GRID2: variants seen among roughly 807,000 people sequenced by gnomAD.
GRID2 encodes the protein glutamate receptor ionotropic, delta-2.
Under a neutral mutation model 114.8 loss-of-function variants are expected in GRID2, and 33 were observed. That is an observed-to-expected ratio of 0.29 (90% confidence interval 0.22 to 0.38). GRID2 has a LOEUF of 0.38. Ranked by LOEUF, GRID2 falls within the 10% of genes least tolerant of loss-of-function variation. GRID2 has a pLI of 1.00. For synonymous variants in GRID2, 505 were observed against 449.9 expected, an observed-to-expected ratio of 1.12 and a Z score of -1.55; for missense variants, 1,184 against 1,257.7, an observed-to-expected ratio of 0.94 and a Z score of 0.89.
intron 6 of GRID2, 75 bp downstream of exon 6, chr4:93,216,986 A>T (rs746783316): frequency 1.7e-4 from 161 of 971,544 alleles, no homozygotes; most frequent in Non-Finnish European, 2.4e-4. Flanking sequence ...TATGAGTTGC[A>T]TTGGATTCAG....
chr4:93,482,109 T>G (rs1725934415), intron 11 of GRID2, among the ~76,000 whole-genome samples: 2 of 152,060 alleles, frequency 1.3e-5, no homozygotes, highest in South Asian at 4.1e-4. Flanking sequence ...GTTTGAGATT[T>G]GAATTTTCTT....
At chr4:93,750,871 A>G (rs1008634493) in intron 14 of GRID2, among the ~76,000 whole-genome samples, 2 of 152,244 alleles carry the variant, frequency 1.3e-5, no homozygotes, top group Non-Finnish European at 2.9e-5. Flanking sequence ...CTAGCCAGTG[A>G]TCTTCTCAAT....
intron 2 of GRID2, among the ~76,000 whole-genome samples, chr4:92,810,908 C>A (rs779485976): frequency 3.9e-5 from 6 of 152,120 alleles, no homozygotes; most frequent in Non-Finnish European, 8.8e-5. Context: ...TCTCATGCCT[C>A]AGCCTCCAGA....
chr4:92,610,349 T>C (rs566541098), intron 2 of GRID2, among the ~76,000 whole-genome samples: 9 of 151,656 alleles, frequency 5.9e-5, no homozygotes, highest in East Asian at 2.0e-4. Context: ...GAGAAAGGCA[T>C]CTCTGTCTTA....
rs1561051489 is a variant in GRID2 at position 93,256,429 on chromosome 4, T to TGA, written c.1245+17939_1245+17940insGA. Among the ~76,000 whole-genome samples the TGA allele has an allele frequency of 6.0e-5, 9 of 149,456 alleles. No homozygotes were observed. In the East Asian group the frequency reaches 1.8e-3, roughly 29 times the overall value. On this transcript the variant is annotated intron_variant, in intron 8 of 15. Transcript: ENST00000282020. ...CGAAAGTGTGATTTTTAATTTTTGG[T>TGA]TTTTTTTTTTGGTCACAATGTAGTC...
At chr4:92,854,441 G>A (rs1288467697) in intron 2 of GRID2, among the ~76,000 whole-genome samples, 1 of 151,872 alleles carries the variant, frequency 6.6e-6, no homozygotes, top group Non-Finnish European at 1.5e-5. Context: ...TGTGCTTGAG[G>A]AACATAGAGT....
intron 2 of GRID2, among the ~76,000 whole-genome samples, chr4:93,007,661 C>T (rs999098250): frequency 3.3e-5 from 5 of 151,842 alleles, no homozygotes; most frequent in African/African-American, 1.2e-4. Flanking sequence ...ATCGTAGATC[C>T]CAGGCTAAAA....
At chr4:93,229,896 A>G (rs1053939089) in intron 7 of GRID2, among the ~76,000 whole-genome samples, 1 of 152,106 alleles carries the variant, frequency 6.6e-6, no homozygotes, top group Non-Finnish European at 1.5e-5. Flanking sequence ...TTTTTTAAAA[A>G]TTAGCAGTTA....
At chr4:93,570,993 A>G (rs996440663) in intron 13 of GRID2, among the ~76,000 whole-genome samples, 3 of 152,114 alleles carry the variant, frequency 2.0e-5, no homozygotes, top group Non-Finnish European at 4.4e-5. Flanking sequence ...ATCCCTGTTC[A>G]TTCATTTAAC....
intron 12 of GRID2, among the ~76,000 whole-genome samples, chr4:93,508,137 C>A (rs1728820213): frequency 6.6e-6 from 1 of 151,552 alleles, no homozygotes; most frequent in South Asian, 2.1e-4. Context: ...TGCACATGTA[C>A]CCTAAAACTT....
intron 13 of GRID2, among the ~76,000 whole-genome samples, chr4:93,622,115 A>G (rs1052260071): frequency 2.2e-4 from 33 of 152,158 alleles, no homozygotes; most frequent in Non-Finnish European, 1.5e-5. Flanking sequence ...AGGAAGCTTC[A>G]AGGTCACTGC....
At chr4:92,581,198 C>CT (rs772006248) in intron 1 of GRID2, among the ~76,000 whole-genome samples, 4,603 of 137,844 alleles carry the variant, frequency 0.033, 200 homozygotes, top group African/African-American at 0.1. Context: ...TCCCCCCACC[C>CT]TTTTTTTTTT....
intron 1 of GRID2, among the ~76,000 whole-genome samples, chr4:92,533,310 A>G (rs1479106569): frequency 6.6e-6 from 1 of 152,018 alleles, no homozygotes; most frequent in Non-Finnish European, 1.5e-5. Context: ...ACACACATAC[A>G]CACAGAAAAC....
At chr4:93,375,471 A>T (rs1376456784) in intron 8 of GRID2, among the ~76,000 whole-genome samples, 2 of 151,912 alleles carry the variant, frequency 1.3e-5, no homozygotes, top group Non-Finnish European at 2.9e-5. Flanking sequence ...TCATTTTCCC[A>T]AAGTGCTGGG....
At chr4:92,921,274 C>G (rs1218273758) in intron 2 of GRID2, among the ~76,000 whole-genome samples, 3 of 152,032 alleles carry the variant, frequency 2.0e-5, no homozygotes, top group Non-Finnish European at 4.4e-5. Flanking sequence ...AGGTTTTTAA[C>G]TTCTTTACCG....
intron 2 of GRID2, among the ~76,000 whole-genome samples, chr4:92,844,890 CT>C (rs907948171): frequency 2.0e-5 from 3 of 151,920 alleles, no homozygotes; most frequent in African/African-American, 7.3e-5. Context: ...TTTTTTACTG[CT>C]TTAATAAGGA....
chr4:93,028,149 A>C (rs2149254096), intron 2 of GRID2, among the ~76,000 whole-genome samples: 1 of 152,312 alleles, frequency 6.6e-6, no homozygotes, highest in African/African-American at 2.4e-5. Flanking sequence ...CAAAATGAAT[A>C]AATTAGACGC....
intron 2 of GRID2, among the ~76,000 whole-genome samples, chr4:92,869,550 T>A (rs1362913795): frequency 6.6e-6 from 1 of 152,196 alleles, no homozygotes; most frequent in African/African-American, 2.4e-5. Context: ...ATGGTAGATC[T>A]AACATTCTTT....
intron 1 of GRID2, among the ~76,000 whole-genome samples, chr4:92,482,785 A>T (rs1489875398): frequency 6.6e-6 from 1 of 152,210 alleles, no homozygotes; most frequent in Non-Finnish European, 1.5e-5. Flanking sequence ...GATGTTACTA[A>T]TTAATTCTTC....
Sources: allele counts gnomAD v4.1 joint callset (sites outside exome capture counted in the v4.1 genomes callset), GRCh38; gene constraint gnomAD v4.1.1; transcripts MANE v1.5; gene names NCBI Gene and HGNC (gene_info 2026-07-23, HGNC 2026-07-21).